MFAP5: variants seen among roughly 807,000 people sequenced by gnomAD.
MFAP5 encodes the protein microfibril associated protein 5, also known as microfibrillar-associated protein 5.
A neutral mutation model predicts 30.1 loss-of-function variants in MFAP5; 19 were observed. That is an observed-to-expected ratio of 0.63 (90% CI 0.44 to 0.93). The LOEUF (loss-of-function observed/expected upper bound fraction) is 0.93, where lower values mean the gene tolerates loss of function less well. MFAP5 is among the 40% of genes least tolerant of loss of function. The probability of loss-of-function intolerance (pLI) is 0.00; values close to 1 mark genes in which losing one functional copy is unlikely to be tolerated. For synonymous variants in MFAP5, 92 were observed against 72.9 expected, an observed-to-expected ratio of 1.26 and a Z score of -1.33; for missense variants, 210 against 221.3, an observed-to-expected ratio of 0.95 and a Z score of 0.32.
rs1941712282 is a variant in MFAP5 at position 8,647,455 on chromosome 12, A to G, written c.*636T>C. ...CCTCATGCTTTAGCCCCAGCCTCTG[A>G]GCTTAGCAGAAGACATTTTGGGTCC... On this transcript the variant is annotated 3_prime_UTR_variant, in exon 10 of 10. Coordinates refer to ENST00000359478, the MANE Select transcript of MFAP5 (RefSeq NM_003480.4). 1 of 152,208 alleles carries G rather than the reference A, an allele frequency of 6.6e-6. No individual in the cohort carries two copies. The highest frequency in any genetic ancestry group is 2.1e-4 in the South Asian group (1 of 4,832). 9.4% of individuals were successfully genotyped at this position (152,208 alleles called of 1,614,324 possible).
At chr12:8,657,786 G>A (rs1942047216) in intron 3 of MFAP5, among the ~76,000 whole-genome samples, 4 of 151,692 alleles carry the variant, frequency 2.6e-5, no homozygotes, top group Admixed American at 2.6e-4. Context: ...TGGCCAGGCT[G>A]GTCTTGAGCT....
At chr12:8,656,082 A>G (rs1214444622) in intron 3 of MFAP5, among the ~76,000 whole-genome samples, 1 of 125,764 alleles carries the variant, frequency 8.0e-6, no homozygotes, top group Non-Finnish European at 1.5e-5. Flanking sequence ...TTTTTTTGAG[A>G]CGGAGTCTCG....
In MFAP5 at chr12:8,649,528, C is replaced by G. The variant is rs927906237; in HGVS notation, c.382G>C (p.Val128Leu). 1 of 1,614,070 alleles carries G rather than the reference C, an allele frequency of 6.2e-7. No individual in the cohort carries two copies. The highest frequency in any genetic ancestry group is 1.1e-5 in the South Asian group (1 of 91,088). The change falls in exon 9 of 10, where the codon GTC becomes CTC. Residue 128 changes from valine to leucine, a missense_variant. Val to Leu is a conservative substitution (Grantham distance 32). Coordinates refer to ENST00000359478, the MANE Select transcript of MFAP5 (RefSeq NM_003480.4). Reference sequence around the variant, plus strand: ...TTCATAGCTTCGTGTTCCTTACAGACAAGACGAGAGCAGATCTCCTTGTTG... The same window carrying G: ...TTCATAGCTTCGTGTTCCTTACAGAGAAGACGAGAGCAGATCTCCTTGTTG... ...IVNKEICSRL[V>L]CKEHEAMKDE... is the part of the protein sequence containing the mutation.
chr12:8,659,930 G>A (rs879556038), intron 3 of MFAP5, among the ~76,000 whole-genome samples: 14 of 152,170 alleles, frequency 9.2e-5, no homozygotes, highest in South Asian at 2.1e-4. Context: ...CTACTGGAGC[G>A]CTCTGTCCTC....
intron 2 of MFAP5, among the ~76,000 whole-genome samples, chr12:8,661,498 A>G (rs1372788133): frequency 6.6e-6 from 1 of 150,900 alleles, no homozygotes; most frequent in Non-Finnish European, 1.5e-5. Flanking sequence ...ATGTATTCCC[A>G]CTGTTCTTCT....
chr12:8,657,250 A>G (rs753234538), intron 3 of MFAP5, among the ~76,000 whole-genome samples: 7 of 152,138 alleles, frequency 4.6e-5, no homozygotes, highest in Admixed American at 3.9e-4. Flanking sequence ...TATTATTTAC[A>G]GTTTCCTGTA....
intron 8 of MFAP5, among the ~76,000 whole-genome samples, chr12:8,649,934 C>A (rs930512650): frequency 2.6e-5 from 4 of 152,008 alleles, no homozygotes; most frequent in Non-Finnish European, 5.9e-5. Flanking sequence ...CATTCCTCTC[C>A]CACTCTTTCC....
At chr12:8,656,123 C>T (rs1022146021) in intron 3 of MFAP5, among the ~76,000 whole-genome samples, 8 of 145,052 alleles carry the variant, frequency 5.5e-5, no homozygotes, top group Non-Finnish European at 1.0e-4. Context: ...TGCAGGGGCG[C>T]GATCTCGGCT....
In MFAP5 at chr12:8,662,763, C is replaced by T. The variant is rs374937436; in HGVS notation, c.-139G>A. The stretch of plus-strand genomic sequence containing the variant: ...TGGAAAGGACTTCAGATTTGGCCTC[C>T]GCTGAAACAATGAGATGAGGGAGAG... On this transcript the variant is annotated 5_prime_UTR_variant, in exon 1 of 10. Transcript: ENST00000359478. 3.9e-5 allele frequency: 6 copies of T among 152,248 alleles called. No individual in the cohort carries two copies. The highest frequency in any genetic ancestry group is 1.9e-4 in the East Asian group (1 of 5,186). The allele number at this position is 152,248 out of a possible 1,614,324, so 9.4% of individuals were successfully genotyped here. A position where few individuals can be genotyped will look rare whatever the true frequency, so the allele number is the denominator to read the frequency against.
rs747968043 is a variant in MFAP5, at chr12:8,651,655, A to C, written c.247+7T>G. The C allele has an allele frequency of 1.2e-6, 2 of 1,613,774 alleles. No homozygotes were observed. The highest frequency in any genetic ancestry group is 2.2e-5 in the East Asian group (1 of 44,876). On this transcript the variant is annotated splice_region_variant and intron_variant, in intron 7 of 9. Transcript: ENST00000359478. ...GGCTTAAGAAGGCATGCAAGCAACA[A>C]TCATACCTGCAGTGGTATTTTTTTC...
chr12:8,658,455 G>A (rs1565527978), intron 3 of MFAP5: 2 of 152,138 alleles, frequency 1.3e-5, no homozygotes, highest in East Asian at 3.9e-4. Context: ...TCATTGATTG[G>A]AAGAACAATC....
chr12:8,649,641 T>C (rs1375510106), intron 8 of MFAP5, 67 bp from the exon 9 acceptor site: 31 of 1,315,778 alleles, frequency 2.4e-5, no homozygotes, highest in Non-Finnish European at 2.0e-5. Flanking sequence ...AGAACTCACC[T>C]GGGTCTGGGA....
At chr12:8,655,483 G>T in intron 4 of MFAP5, 36 bp from the exon 5 acceptor site, 1 of 1,592,788 alleles carries the variant, frequency 6.3e-7, no homozygotes, top group Non-Finnish European at 8.6e-7. Flanking sequence ...AAAAAATGCA[G>T]TCAGGAAAAG....
Position 8,647,356 on chromosome 12 carries a change from T to C in MFAP5, c.*735A>G, listed in dbSNP as rs1424298586. On this transcript the variant is annotated 3_prime_UTR_variant, in exon 10 of 10. Transcript: ENST00000359478. ...AGTAAATGAGACTTAGTTTCCAACC[T>C]TACTTCCCGACTAGACAACTGCATG... 6.6e-6 allele frequency: 1 copy of C among 152,204 alleles called. No individual in the cohort carries two copies. Among genetic ancestry groups the C allele is most frequent in the Non-Finnish European group, 1.5e-5 (1 of 68,042 alleles). 9.4% of individuals were successfully genotyped at this position (152,204 alleles called of 1,614,324 possible).
intron 5 of MFAP5, among the ~76,000 whole-genome samples, chr12:8,654,977 A>C (rs761418243): frequency 4.2e-4 from 63 of 151,626 alleles, no homozygotes; most frequent in Admixed American, 9.9e-4. Flanking sequence ...GTCACTGAAC[A>C]ACACTCTCAC....
At chr12:8,662,335 C>T in intron 1 of MFAP5, 1 of 529,554 alleles carries the variant, frequency 1.9e-6, no homozygotes, top group Non-Finnish European at 3.3e-6. Flanking sequence ...TTTTATTATT[C>T]TCTGCTACCA....
chr12:8,650,053 A>C (rs1941791644), intron 8 of MFAP5, among the ~76,000 whole-genome samples: 1 of 152,144 alleles, frequency 6.6e-6, no homozygotes, highest in Admixed American at 6.5e-5. Flanking sequence ...TTGTTTAGTT[A>C]CTTCATTTAG....
At chr12:8,654,364 C>T (rs1291262873) in intron 6 of MFAP5, 73 bp downstream of exon 6, 22 of 1,433,816 alleles carry the variant, frequency 1.5e-5, no homozygotes, top group Non-Finnish European at 2.0e-5. Context: ...AGCAGCTGCA[C>T]ACTATCCAGA....
intron 3 of MFAP5, among the ~76,000 whole-genome samples, chr12:8,656,668 A>ATTT (rs1555139703): frequency 3.5e-4 from 42 of 118,772 alleles, no homozygotes; most frequent in African/African-American, 1.3e-3. Flanking sequence ...ATATATATAT[A>ATTT]TTTTTTTTTT....
Sources: allele counts gnomAD v4.1 joint callset (sites outside exome capture counted in the v4.1 genomes callset), GRCh38; gene constraint gnomAD v4.1.1; transcripts MANE v1.5; gene names NCBI Gene and HGNC (gene_info 2026-07-23, HGNC 2026-07-21).